METTL22: variants seen among roughly 807,000 people sequenced by gnomAD.
The protein encoded by METTL22 is methyltransferase-like protein 22.
Under a neutral mutation model 48.4 loss-of-function variants are expected in METTL22, and 51 were observed. The observed-to-expected ratio is 1.05, with a 90% CI of 0.84 to 1.33. The LOEUF (loss-of-function observed/expected upper bound fraction) is 1.33, where lower values mean the gene tolerates loss of function less well. METTL22 is among the 40% of genes most tolerant of loss of function. The probability of loss-of-function intolerance (pLI) is 0.00; values close to 1 mark genes in which losing one functional copy is unlikely to be tolerated. For missense variants in METTL22, 678 were observed against 526.9 expected, an observed-to-expected ratio of 1.29 and a Z score of -2.81; for synonymous variants, 255 against 214.1, an observed-to-expected ratio of 1.19 and a Z score of -1.67.
At position 8,642,216 on chromosome 16, in the gene METTL22, A is replaced by T; in HGVS notation, c.907+9A>T. On this transcript the variant is annotated intron_variant, in intron 8 of 10. Coordinates refer to ENST00000381920, the MANE Select transcript of METTL22 (RefSeq NM_024109.4). ...CCTGTTTGCAGCCGAAGGTAAGAAA[A>T]TTTCTCCTTCGCCGTACACGTCCTT... 4 of 1,608,174 alleles carry T rather than the reference A, an allele frequency of 2.5e-6. No homozygotes were observed. The highest frequency in any genetic ancestry group is 3.4e-6 in the Non-Finnish European group (4 of 1,174,754).
At chr16:8,623,312 GAAA>G (rs567766667) in intron 1 of METTL22, among the ~76,000 whole-genome samples, 93 of 119,478 alleles carry the variant, frequency 7.8e-4, no homozygotes, top group African/African-American at 2.7e-3. Context: ...CTCTGTCTCA[GAAA>G]AAAAAAAAAA....
rs1279156689 is a variant in METTL22 at position 8,648,627 on chromosome 16, CAA to C, written c.*2497_*2498del. 3.3e-4 allele frequency: 43 copies of C among 129,436 alleles called. No homozygotes were observed. The highest frequency in any genetic ancestry group is 4.8e-4 in the Non-Finnish European group (29 of 60,468). 8.0% of individuals were successfully genotyped at this position (129,436 alleles called of 1,614,324 possible). On this transcript the variant is annotated 3_prime_UTR_variant, in exon 11 of 11. Transcript: ENST00000381920. ...GGGCAACAAGAGCAAAACTCCATCTCAAAAAAAAAAAAAAGCCAGGCGTAGTG... is the reference window on the plus strand; with the variant it reads ...GGGCAACAAGAGCAAAACTCCATCTCAAAAAAAAAAAAGCCAGGCGTAGTG...
At chr16:8,639,358 C>G in intron 6 of METTL22, 196 bp downstream of exon 6, 1 of 603,560 alleles carries the variant, frequency 1.7e-6, no homozygotes, top group Non-Finnish European at 3.0e-6. Flanking sequence ...CCTCCTCATT[C>G]CCAGATCCAC....
chr16:8,641,724 G>A (rs4985090), intron 7 of METTL22: 351,856 of 395,492 alleles, frequency 0.89, 157,028 homozygotes, highest in East Asian at 1. Context: ...TTTGCGCACC[G>A]TAGGCCCTTC....
chr16:8,646,414 T>C lies in METTL22; in HGVS notation c.*271T>C, dbSNP rs754060464. 28 of 671,016 alleles carry C rather than the reference T, an allele frequency of 4.2e-5. No individual in the cohort carries two copies. The highest frequency in any genetic ancestry group is 5.5e-5 in the Non-Finnish European group (20 of 365,214). The allele number at this position is 671,016 out of a possible 1,614,324, so 41.6% of individuals were successfully genotyped here. A position where few individuals can be genotyped will look rare whatever the true frequency, so the allele number is the denominator to read the frequency against. On this transcript the variant is annotated 3_prime_UTR_variant, in exon 11 of 11. Coordinates refer to ENST00000381920, the MANE Select transcript of METTL22 (RefSeq NM_024109.4). ...CCAGGGTCAAGCCGAGCCACGTTCC[T>C]TCTCAGCTCAGTTCCACCCACGTCA...
the METTL22 span, among the ~76,000 whole-genome samples, chr16:8,660,055 A>T: frequency 6.6e-6 from 1 of 151,568 alleles, no homozygotes; most frequent in Non-Finnish European, 1.5e-5. Context: ...AACTGAAATC[A>T]TGTGATGCTT....
the METTL22 span, among the ~76,000 whole-genome samples, chr16:8,662,923 C>T: frequency 1.4e-5 from 2 of 144,100 alleles, no homozygotes; most frequent in South Asian, 4.5e-4. Flanking sequence ...CAATGGTAGC[C>T]ATCACCAGGC....
chr16:8,653,262 T>C (rs2056924578), downstream of METTL22, among the ~76,000 whole-genome samples: 1 of 152,252 alleles, frequency 6.6e-6, no homozygotes, highest in South Asian at 2.1e-4. Flanking sequence ...TTTAACCCTC[T>C]GTTAAAATCA....
At chr16:8,653,257 C>T (rs555065140), downstream of METTL22, among the ~76,000 whole-genome samples, 10 of 152,294 alleles carry the variant, frequency 6.6e-5, no homozygotes, top group East Asian at 1.4e-3. Context: ...TGAATTTTAA[C>T]CCTCTGTTAA....
intron 6 of METTL22, chr16:8,639,400 G>A (rs796346408): frequency 7.8e-5 from 45 of 575,192 alleles, no homozygotes; most frequent in African/African-American, 6.9e-4. Flanking sequence ...TTTCTCTCCC[G>A]GACACTGGCG....
downstream of METTL22, among the ~76,000 whole-genome samples, chr16:8,653,707 T>G (rs2056928821): frequency 6.6e-6 from 1 of 152,132 alleles, no homozygotes; most frequent in African/African-American, 2.4e-5. Flanking sequence ...AAATCCAACT[T>G]TATTCTAAAG....
chr16:8,657,066 A>G, the METTL22 span, among the ~76,000 whole-genome samples: 21 of 152,314 alleles, frequency 1.4e-4, no homozygotes, highest in East Asian at 2.7e-3. Context: ...TACTGTTACA[A>G]TAGGAATACA....
intron 3 of METTL22, among the ~76,000 whole-genome samples, chr16:8,630,844 A>C (rs988322017): frequency 1.6e-4 from 24 of 152,300 alleles, no homozygotes; most frequent in African/African-American, 5.8e-4. Flanking sequence ...ATGGTAGCTA[A>C]TGCATGAACC....
At chr16:8,661,770 A>C in the METTL22 span, among the ~76,000 whole-genome samples, 1 of 144,390 alleles carries the variant, frequency 6.9e-6, no homozygotes, top group Non-Finnish European at 1.5e-5. Flanking sequence ...ACAGGGTCTC[A>C]CTATATTGAC....
At chr16:8,651,843 A>G (rs2056903868), downstream of METTL22, among the ~76,000 whole-genome samples, 1 of 152,186 alleles carries the variant, frequency 6.6e-6, no homozygotes, top group African/African-American at 2.4e-5. Context: ...GGAGGAGAAC[A>G]TCACACACCG....
intron 3 of METTL22, among the ~76,000 whole-genome samples, chr16:8,630,243 C>T (rs143577901): frequency 6.6e-6 from 1 of 152,326 alleles, no homozygotes; most frequent in Non-Finnish European, 1.5e-5. Flanking sequence ...CAAGCAGCCT[C>T]TGTTCTAGAC....
chr16:8,626,362 G>A (rs1001272658), intron 2 of METTL22, among the ~76,000 whole-genome samples: 3 of 151,934 alleles, frequency 2.0e-5, no homozygotes, highest in Non-Finnish European at 4.4e-5. Flanking sequence ...TGGGAATGCA[G>A]ATACGAATGA....
chr16:8,650,995 T>G (rs1173010069), downstream of METTL22, among the ~76,000 whole-genome samples: 1 of 152,140 alleles, frequency 6.6e-6, no homozygotes, highest in African/African-American at 2.4e-5. Flanking sequence ...CACTCCAGCC[T>G]GGGTGACAGA....
At position 8,629,002 on chromosome 16, in the gene METTL22, C is replaced by G. The variant is rs775608116; in HGVS notation, c.406C>G (p.Pro136Ala). The change falls in exon 3 of 11, where the codon CCA becomes GCA. Residue 136 changes from proline to alanine, a missense_variant. By Grantham distance (27) the Pro-to-Ala change is conservative. Transcript: ENST00000381920. ...ACCACGAGCCGCCTCTGATTCCAAC[C>G]CAGCAGGGCCTCTGAGAGACAAGGT... ...RRPRAASDSN[P>A]AGPLRDKVHP... 5.0e-6 allele frequency: 8 copies of G among 1,614,016 alleles called. No individual in the cohort carries two copies. The highest frequency in any genetic ancestry group is 1.3e-5 in the African/African-American group (1 of 74,932).
Sources: allele counts gnomAD v4.1 joint callset (sites outside exome capture counted in the v4.1 genomes callset), GRCh38; gene constraint gnomAD v4.1.1; transcripts MANE v1.5; gene names NCBI Gene and HGNC (gene_info 2026-07-23, HGNC 2026-07-21).